SLC45A4: variants seen among roughly 807,000 people sequenced by gnomAD.
SLC45A4 encodes the protein polyamine-transporter SLC45A4.
SLC45A4 carries 32 observed loss-of-function variants against 63.7 expected under a neutral mutation model. That is an observed-to-expected ratio of 0.50 (90% confidence interval 0.38 to 0.67). SLC45A4 has a LOEUF of 0.67. Ranked by LOEUF, SLC45A4 falls within the 30% of genes least tolerant of loss-of-function variation. SLC45A4 has a pLI of 0.00. For missense variants in SLC45A4, 1,027 were observed against 1,157.7 expected, an observed-to-expected ratio of 0.89 and a Z score of 1.64; for synonymous variants, 535 against 510.0, an observed-to-expected ratio of 1.05 and a Z score of -0.66.
chr8:141,230,822 C>T (rs764743868), intron 2 of SLC45A4, among the ~76,000 whole-genome samples: 11 of 152,356 alleles, frequency 7.2e-5, no homozygotes, highest in African/African-American at 2.2e-4. Context: ...GTGGCACAGG[C>T]GTGGTGAGTG....
chr8:141,271,896 G>A (rs1191063525), intron 1 of SLC45A4, among the ~76,000 whole-genome samples: 1 of 150,946 alleles, frequency 6.6e-6, no homozygotes, highest in African/African-American at 2.5e-5. Context: ...ACACACCTGC[G>A]TACACATACA....
chr8:141,258,893 T>TAAAA (rs367859490), intron 1 of SLC45A4, among the ~76,000 whole-genome samples: 6 of 146,348 alleles, frequency 4.1e-5, no homozygotes, highest in Admixed American at 6.8e-5. Flanking sequence ...CTCTTTTTTT[T>TAAAA]AAAAAAAAAA....
At chr8:141,262,880 C>A (rs376243002) in intron 1 of SLC45A4, among the ~76,000 whole-genome samples, 1 of 150,058 alleles carries the variant, frequency 6.7e-6, no homozygotes, top group African/African-American at 2.5e-5. Context: ...ACCCAAAGGA[C>A]TATAAATCAT....
Position 141,252,892 on chromosome 8 carries a change from T to C in SLC45A4, c.241+1097A>G, listed in dbSNP as rs79121166. Among the ~76,000 whole-genome samples, 179 of 98,780 alleles carry C rather than the reference T, an allele frequency of 1.8e-3. 1 individual carries two copies. The highest frequency in any genetic ancestry group is 7.9e-3 in the South Asian group (25 of 3,152). 64.8% of individuals were successfully genotyped at this position (98,780 alleles called of 152,430 possible). A position where few individuals can be genotyped will look rare whatever the true frequency, so the allele number is the denominator to read the frequency against. On this transcript the variant is annotated intron_variant, in intron 2 of 8. Coordinates refer to ENST00000517878, the MANE Select transcript of SLC45A4 (RefSeq NM_001286646.2). The stretch of plus-strand genomic sequence containing the variant: ...GAATTTCTGTTTTCATATCCACCTG[T>C]GTGTCTGTGAATTTTCGTGTTTTCA...
chr8:141,220,783 CCA>C (rs1826570338), intron 3 of SLC45A4, among the ~76,000 whole-genome samples: 1 of 152,230 alleles, frequency 6.6e-6, no homozygotes, highest in South Asian at 2.1e-4. Flanking sequence ...TTGGGCAGGA[CCA>C]CCCCCAAGGA....
intron 1 of SLC45A4, among the ~76,000 whole-genome samples, chr8:141,288,440 G>A (rs1045044138): frequency 1.3e-5 from 2 of 152,234 alleles, no homozygotes; most frequent in Admixed American, 6.5e-5. Flanking sequence ...GACCCACCAC[G>A]GGACAAGGCT....
chr8:141,247,355 C>T (rs963300104), intron 2 of SLC45A4, among the ~76,000 whole-genome samples: 4 of 127,602 alleles, frequency 3.1e-5, no homozygotes, highest in African/African-American at 5.2e-5. Context: ...AAGTATGTGA[C>T]GGACCTACAT....
rs1331315441 is a variant in SLC45A4 at position 141,208,651 on chromosome 8, G to C, written c.*2921C>G. 1 of 152,232 alleles carries C rather than the reference G, an allele frequency of 6.6e-6. No homozygotes were observed. The highest frequency in any genetic ancestry group is 1.5e-5 in the Non-Finnish European group (1 of 68,072). 9.4% of individuals were successfully genotyped at this position (152,232 alleles called of 1,614,324 possible). Reference sequence around the variant, plus strand: ...TTCCAGCTAAGGCCCCTGCCTGAGAGTGAGAAAAACAACACTCCAAAGCTA... The same window carrying C: ...TTCCAGCTAAGGCCCCTGCCTGAGACTGAGAAAAACAACACTCCAAAGCTA... On this transcript the variant is annotated 3_prime_UTR_variant, in exon 9 of 9. Transcript: ENST00000517878.
intron 4 of SLC45A4, 136 bp from the exon 5 acceptor site, chr8:141,219,165 G>C (rs1367061389): frequency 9.7e-7 from 1 of 1,027,164 alleles, no homozygotes; most frequent in East Asian, 2.6e-5. Flanking sequence ...GAAGGAGAAA[G>C]CAGTAGGAAA....
At position 141,303,537 on chromosome 8, in the gene SLC45A4, A is replaced by G. The variant is rs371565156; in HGVS notation, c.-401+4559T>C. ...AGCACTGTGTTGATCCCTCTTTATT[A>G]TCTATTCTAAGGGTTTGCTATGCAT... On this transcript the variant is annotated intron_variant, in intron 1 of 8. Coordinates refer to ENST00000517878, the MANE Select transcript of SLC45A4 (RefSeq NM_001286646.2). Among the ~76,000 whole-genome samples, 5 of 152,042 alleles carry G rather than the reference A, an allele frequency of 3.3e-5. No homozygotes were observed. In the South Asian group the frequency reaches 8.3e-4, roughly 25 times the overall value.
At chr8:141,277,703 G>A (rs886505777) in intron 1 of SLC45A4, among the ~76,000 whole-genome samples, 13 of 151,690 alleles carry the variant, frequency 8.6e-5, no homozygotes, top group African/African-American at 2.9e-4. Flanking sequence ...GCAGTGGGGC[G>A]ATCTCGGCTC....
chr8:141,265,725 G>A (rs1392033965), intron 1 of SLC45A4, among the ~76,000 whole-genome samples: 1 of 152,170 alleles, frequency 6.6e-6, no homozygotes, highest in African/African-American at 2.4e-5. Flanking sequence ...TTAAAATGCG[G>A]AGAAGCTCAA....
intron 2 of SLC45A4, chr8:141,230,302 G>T (rs1827274957): frequency 5.6e-6 from 2 of 359,482 alleles, no homozygotes. Context: ...CTCAACAAGG[G>T]AGGGCCGCTC....
intron 2 of SLC45A4, among the ~76,000 whole-genome samples, chr8:141,243,747 C>A (rs1459654483): frequency 6.6e-6 from 1 of 152,012 alleles, no homozygotes; most frequent in Non-Finnish European, 1.5e-5. Flanking sequence ...AGCAAGACCC[C>A]CGCTCCTGAT....
intron 2 of SLC45A4, among the ~76,000 whole-genome samples, chr8:141,244,696 T>A (rs1277720886): frequency 6.6e-6 from 1 of 152,122 alleles, no homozygotes; most frequent in Non-Finnish European, 1.5e-5. Flanking sequence ...ATGGGCTGTA[T>A]TTCATCAAAT....
intron 1 of SLC45A4, among the ~76,000 whole-genome samples, chr8:141,299,261 C>T (rs1369153846): frequency 6.6e-6 from 1 of 152,254 alleles, no homozygotes; most frequent in East Asian, 1.9e-4. Context: ...GGACGCCAGG[C>T]TTCATGATGT....
chr8:141,284,981 C>G (rs1830084996), intron 1 of SLC45A4, among the ~76,000 whole-genome samples: 1 of 144,170 alleles, frequency 6.9e-6, no homozygotes, highest in Non-Finnish European at 1.5e-5. Context: ...GGCCTCGGCC[C>G]CCCAGCAAGG....
intron 1 of SLC45A4, among the ~76,000 whole-genome samples, chr8:141,273,788 GA>G: frequency 6.6e-6 from 1 of 152,136 alleles, no homozygotes; most frequent in African/African-American, 2.4e-5. Context: ...GTCGTGCTAC[GA>G]AAGTGAAAAA....
Position 141,228,124 on chromosome 8 carries a change from C to T in SLC45A4, c.242-6359G>A, listed in dbSNP as rs967862486. ...CCGAGAGGCTGTGGCTCACCGCAAG[C>T]TTTAGATGGAGTGATCTGGGTGGAG... On this transcript the variant is annotated intron_variant, in intron 2 of 8. Transcript: ENST00000517878. The T allele has an allele frequency of 4.3e-6, 7 of 1,610,468 alleles. No homozygotes were observed. In the Admixed American group the frequency reaches 8.3e-5, roughly 19 times the overall value.
Sources: gnomAD v4.1 joint callset for allele counts (sites outside exome capture counted in the v4.1 genomes callset) on GRCh38, gnomAD v4.1.1 for gene constraint, MANE v1.5 for transcripts, NCBI Gene and HGNC (gene_info 2026-07-23, HGNC 2026-07-21) for gene names.